Variants in GRIK2 observed in about 807,000 individuals in gnomAD.
GRIK2 encodes the protein glutamate ionotropic receptor kainate type subunit 2.
A neutral mutation model predicts 100.3 loss-of-function variants in GRIK2; 32 were observed. That is an observed-to-expected ratio of 0.32 (90% CI 0.24 to 0.43). The LOEUF is 0.43. Ranked by LOEUF, GRIK2 falls within the 20% of genes least tolerant of loss-of-function variation. The pLI, the probability that GRIK2 is intolerant of heterozygous loss-of-function variation, is 1.00. For synonymous variants in GRIK2, 417 were observed against 389.4 expected, an observed-to-expected ratio of 1.07 and a Z score of -0.83; for missense variants, 843 against 1,114.9, an observed-to-expected ratio of 0.76 and a Z score of 3.47.
intron 2 of GRIK2, among the ~76,000 whole-genome samples, chr6:101,514,400 A>G (rs2128279194): frequency 6.6e-6 from 1 of 152,186 alleles, no homozygotes; most frequent in African/African-American, 2.4e-5. Context: ...AGAAAGCAGA[A>G]GGAAGAGGCT....
chr6:101,819,239 A>G (rs915765617), intron 10 of GRIK2, among the ~76,000 whole-genome samples: 3 of 152,208 alleles, frequency 2.0e-5, no homozygotes, highest in Non-Finnish European at 2.9e-5. Context: ...GACCATTCTT[A>G]TTAATCCTCA....
intron 12 of GRIK2, among the ~76,000 whole-genome samples, chr6:101,896,610 T>A (rs984388980): frequency 6.6e-6 from 1 of 151,742 alleles, no homozygotes; most frequent in Non-Finnish European, 1.5e-5. Flanking sequence ...TGATAGCCCA[T>A]CTTTATTTTT....
intron 11 of GRIK2, among the ~76,000 whole-genome samples, chr6:101,881,043 C>T (rs1371194233): frequency 1.3e-5 from 2 of 151,798 alleles, no homozygotes; most frequent in African/African-American, 4.8e-5. Context: ...ACTGAAGTCA[C>T]TCTACAAACT....
intron 1 of GRIK2, among the ~76,000 whole-genome samples, chr6:101,398,157 C>T (rs1040998292): frequency 2.6e-5 from 4 of 152,096 alleles, no homozygotes; most frequent in African/African-American, 9.7e-5. Flanking sequence ...ATCTCATATT[C>T]TGCCTCTTTA....
intron 2 of GRIK2, among the ~76,000 whole-genome samples, chr6:101,449,395 A>G (rs1175813434): frequency 6.6e-6 from 1 of 151,722 alleles, no homozygotes; most frequent in Non-Finnish European, 1.5e-5. Context: ...AGCCAGGCCA[A>G]TGTGAAGCAC....
chr6:101,611,564 T>C (rs1779676053), intron 2 of GRIK2, among the ~76,000 whole-genome samples: 1 of 151,850 alleles, frequency 6.6e-6, no homozygotes, highest in South Asian at 2.1e-4. Flanking sequence ...TTAGCAACAA[T>C]GAAGAAGGTT....
chr6:101,689,058 T>G (rs1384050336), intron 7 of GRIK2, among the ~76,000 whole-genome samples: 2 of 152,060 alleles, frequency 1.3e-5, no homozygotes, highest in Non-Finnish European at 2.9e-5. Flanking sequence ...TCTTTTTCTT[T>G]TCAATTTAAA....
At chr6:101,565,972 A>G (rs1777250670) in intron 2 of GRIK2, among the ~76,000 whole-genome samples, 1 of 145,760 alleles carries the variant, frequency 6.9e-6, no homozygotes, top group South Asian at 2.1e-4. Context: ...CAAACTAGAG[A>G]AAAGAAACTG....
chr6:101,909,378 T>TTTTTTTTTTTTG lies in GRIK2; in HGVS notation c.1749-15220_1749-15219insTTTTTTTTGTTT, dbSNP rs774868812. On this transcript the variant is annotated intron_variant, in intron 12 of 16. Transcript: ENST00000369134. ...ATGCTGAAGGAAGATAGGGTTTTCT[T>TTTTTTTTTTTTG]TTTCTTTTTTTTTTTTTTAAAGATC... Among the ~76,000 whole-genome samples, 4 of 120,352 alleles carry TTTTTTTTTTTTG rather than the reference T, an allele frequency of 3.3e-5. No individual in the cohort carries two copies. The Admixed American group carries it at 3.5e-4, about 11-fold the overall frequency. 79.0% of individuals were successfully genotyped at this position (120,352 alleles called of 152,430 possible).
chr6:101,770,647 G>A (rs1198767241), intron 7 of GRIK2, among the ~76,000 whole-genome samples: 1 of 152,178 alleles, frequency 6.6e-6, no homozygotes, highest in East Asian at 1.9e-4. Context: ...GCATTGTAGA[G>A]TATTAGTTGG....
intron 7 of GRIK2, among the ~76,000 whole-genome samples, chr6:101,695,606 T>G (rs1435061333): frequency 6.6e-6 from 1 of 152,144 alleles, no homozygotes; most frequent in Non-Finnish European, 1.5e-5. Flanking sequence ...ACAGTATTAA[T>G]AGGATAAGCA....
At chr6:101,800,101 C>A (rs1780579102) in intron 8 of GRIK2, among the ~76,000 whole-genome samples, 1 of 151,906 alleles carries the variant, frequency 6.6e-6, no homozygotes, top group Admixed American at 6.6e-5. Context: ...ATATAAAATG[C>A]ATTTTTAACA....
chr6:102,066,981 T>C (rs931823950), intron 16 of GRIK2, among the ~76,000 whole-genome samples: 3 of 151,656 alleles, frequency 2.0e-5, no homozygotes, highest in African/African-American at 7.2e-5. Context: ...TATATCAGGA[T>C]ATGTTGCTGG....
At chr6:101,851,067 GA>G (rs1445963563) in intron 10 of GRIK2, among the ~76,000 whole-genome samples, 1 of 152,026 alleles carries the variant, frequency 6.6e-6, no homozygotes, top group Non-Finnish European at 1.5e-5. Flanking sequence ...TTAAATATGG[GA>G]AGAGTAATAT....
At chr6:101,585,316 TGTGA>T (rs1778307451) in intron 2 of GRIK2, among the ~76,000 whole-genome samples, 2 of 152,104 alleles carry the variant, frequency 1.3e-5, no homozygotes, top group Admixed American at 1.3e-4. Context: ...TATATACGTA[TGTGA>T]GTATGAGTAT....
chr6:101,509,893 T>C (rs779363197), intron 2 of GRIK2, among the ~76,000 whole-genome samples: 6 of 152,190 alleles, frequency 3.9e-5, no homozygotes, highest in Non-Finnish European at 8.8e-5. Flanking sequence ...CTTCCTCTCA[T>C]CTATTCTGTT....
At chr6:101,711,636 T>G (rs1773702731) in intron 7 of GRIK2, among the ~76,000 whole-genome samples, 1 of 151,852 alleles carries the variant, frequency 6.6e-6, no homozygotes, top group African/African-American at 2.4e-5. Flanking sequence ...TAAAATGTTT[T>G]TAATGCTGTG....
At chr6:102,046,100 T>C (rs549553455) in intron 15 of GRIK2, among the ~76,000 whole-genome samples, 1 of 152,206 alleles carries the variant, frequency 6.6e-6, no homozygotes, top group East Asian at 1.9e-4. Context: ...AGAAGGTCAT[T>C]ATTTAATGAT....
At chr6:101,852,267 A>G (rs1242434863) in intron 10 of GRIK2, among the ~76,000 whole-genome samples, 1 of 152,138 alleles carries the variant, frequency 6.6e-6, no homozygotes, top group Non-Finnish European at 1.5e-5. Context: ...CTAATTTACT[A>G]TACCTACATG....
Sources: gnomAD v4.1 joint callset for allele counts (sites outside exome capture counted in the v4.1 genomes callset) on GRCh38, gnomAD v4.1.1 for gene constraint, MANE v1.5 for transcripts, NCBI Gene and HGNC (gene_info 2026-07-23, HGNC 2026-07-21) for gene names.